Variants in PLXDC2 observed in about 807,000 individuals in gnomAD.
PLXDC2 encodes the protein plexin domain containing 2.
In PLXDC2, 40 loss-of-function variants were observed where a neutral mutation model predicts 68.9. That is an observed-to-expected ratio of 0.58 (90% CI 0.45 to 0.76). PLXDC2 has a LOEUF of 0.76. Ranked by LOEUF, PLXDC2 falls within the 30% of genes least tolerant of loss-of-function variation. The probability of loss-of-function intolerance (pLI) is 0.00; values close to 1 mark genes in which losing one functional copy is unlikely to be tolerated. For missense variants in PLXDC2, 644 were observed against 661.9 expected (o/e 0.97, Z 0.30); for synonymous variants, 243 against 234.2 (o/e 1.04, Z -0.34).
intron 2 of PLXDC2, among the ~76,000 whole-genome samples, chr10:20,020,855 GATAA>G (rs1835296051): frequency 6.6e-6 from 1 of 152,072 alleles, no homozygotes; most frequent in Non-Finnish European, 1.5e-5. Flanking sequence ...TATTGCATAA[GATAA>G]ATAGTGTCCT....
In PLXDC2 at chr10:20,143,408, T is replaced by G. The variant is rs1323384161; in HGVS notation, c.655T>G (p.Phe219Val). Residue 219 changes from phenylalanine to valine, a missense_variant, in exon 5 of 14, where the codon TTT becomes GTT. Phe to Val is a conservative substitution (Grantham distance 50). Transcript: ENST00000377252. ...SVSRNSTVRY[F>V]DNGTALVVQW... ...ATCCAGAAATTCAACTGTCAGATAT[T>G]TTGATAATGGTATGTGTTGAGTAGC... The G allele has an allele frequency of 6.2e-7, 1 of 1,613,124 alleles. No individual in the cohort carries two copies. Among genetic ancestry groups the G allele is most frequent in the African/African-American group, 1.3e-5 (1 of 75,016 alleles).
intron 1 of PLXDC2, among the ~76,000 whole-genome samples, chr10:19,925,353 C>T (rs908940143): frequency 6.6e-6 from 1 of 152,136 alleles, no homozygotes; most frequent in Non-Finnish European, 1.5e-5. Flanking sequence ...ATATGACAGA[C>T]CTGAGAATAG....
intron 1 of PLXDC2, among the ~76,000 whole-genome samples, chr10:19,901,928 G>A (rs1464467436): frequency 6.6e-6 from 1 of 152,222 alleles, no homozygotes; most frequent in East Asian, 1.9e-4. Flanking sequence ...TTGTTGAATA[G>A]GTTGTCCTTT....
chr10:20,042,789 A>T (rs546186528), intron 2 of PLXDC2, among the ~76,000 whole-genome samples: 153 of 152,308 alleles, frequency 1.0e-3, no homozygotes, highest in African/African-American at 3.5e-3. Context: ...TGTAGTTATG[A>T]TAACTTTTCC....
intron 4 of PLXDC2, among the ~76,000 whole-genome samples, chr10:20,095,282 A>G (rs1161209057): frequency 2.0e-5 from 3 of 152,212 alleles, no homozygotes; most frequent in African/African-American, 7.2e-5. Context: ...ATGGTAGCTA[A>G]TCCTACAGTA....
At chr10:19,887,801 A>G (rs952291758) in intron 1 of PLXDC2, among the ~76,000 whole-genome samples, 5 of 152,236 alleles carry the variant, frequency 3.3e-5, no homozygotes, top group African/African-American at 9.6e-5. Flanking sequence ...AGGTCACTTG[A>G]CACATAAGTA....
chr10:19,998,759 G>T (rs928696036), intron 1 of PLXDC2, among the ~76,000 whole-genome samples: 1 of 152,052 alleles, frequency 6.6e-6, no homozygotes, highest in Non-Finnish European at 1.5e-5. Context: ...AGCTGTCAAT[G>T]GTAACAGCAA....
chr10:20,170,811 T>C (rs1314456248), intron 7 of PLXDC2, among the ~76,000 whole-genome samples: 2 of 151,946 alleles, frequency 1.3e-5, no homozygotes, highest in Admixed American at 1.3e-4. Flanking sequence ...GTGGCTATCA[T>C]GTTGGATAGG....
At chr10:19,881,524 C>A (rs1837727374) in intron 1 of PLXDC2, among the ~76,000 whole-genome samples, 2 of 152,012 alleles carry the variant, frequency 1.3e-5, no homozygotes, top group African/African-American at 4.8e-5. Flanking sequence ...TAATTAGTAA[C>A]TGTGAGCACT....
At chr10:19,974,665 A>G (rs1027332144) in intron 1 of PLXDC2, among the ~76,000 whole-genome samples, 1 of 152,182 alleles carries the variant, frequency 6.6e-6, no homozygotes, top group Non-Finnish European at 1.5e-5. Flanking sequence ...TAAATGCCCT[A>G]TACTATCTCT....
At chr10:19,820,249 T>A (rs574589973) in intron 1 of PLXDC2, among the ~76,000 whole-genome samples, 1 of 152,342 alleles carries the variant, frequency 6.6e-6, no homozygotes, top group East Asian at 1.9e-4. Context: ...GGAGAATGTA[T>A]TTGAATAAAA....
Position 20,079,658 on chromosome 10 carries a change from T to C in PLXDC2, c.541+11419T>C, listed in dbSNP as rs540816222. On this transcript the variant is annotated intron_variant, in intron 4 of 13. Coordinates refer to ENST00000377252, the MANE Select transcript of PLXDC2 (RefSeq NM_032812.9). ...GGGACATGCATGAAGCTGGAAGCCA[T>C]CATTCTCAGCAAACTAACACAGGAA... Among the ~76,000 whole-genome samples, 9 of 152,260 alleles carry C rather than the reference T, an allele frequency of 5.9e-5. No homozygotes were observed. In the South Asian group the frequency reaches 1.9e-3, roughly 32 times the overall value.
At chr10:19,827,962 A>C (rs1016153987) in intron 1 of PLXDC2, among the ~76,000 whole-genome samples, 4 of 152,300 alleles carry the variant, frequency 2.6e-5, no homozygotes, top group South Asian at 4.1e-4. Context: ...ACATCATCAG[A>C]CTAACCATAC....
intron 9 of PLXDC2, among the ~76,000 whole-genome samples, chr10:20,189,504 T>TATATATATATAC (rs1554773611): frequency 0.02 from 2,416 of 121,224 alleles, 65 homozygotes; most frequent in African/African-American, 0.024. Flanking sequence ...TATATATATA[T>TATATATATATAC]ACACATACAC....
intron 1 of PLXDC2, among the ~76,000 whole-genome samples, chr10:19,961,351 G>A (rs886495798): frequency 6.6e-6 from 1 of 152,204 alleles, no homozygotes; most frequent in African/African-American, 2.4e-5. Context: ...CAGTTGGATC[G>A]CTGTGGAGCT....
chr10:20,147,103 A>G (rs1834090759), intron 5 of PLXDC2, among the ~76,000 whole-genome samples: 2 of 152,168 alleles, frequency 1.3e-5, no homozygotes, highest in Admixed American at 1.3e-4. Context: ...TTTTTATTTC[A>G]TGCCCAATCG....
At chr10:20,058,383 G>A (rs576385867) in intron 3 of PLXDC2, among the ~76,000 whole-genome samples, 247 of 152,226 alleles carry the variant, frequency 1.6e-3, no homozygotes, top group Non-Finnish European at 2.0e-3. Context: ...TTTGCCAACT[G>A]TGAGGTTTAA....
chr10:20,204,776 G>T (rs1834967921), intron 9 of PLXDC2, among the ~76,000 whole-genome samples: 1 of 152,130 alleles, frequency 6.6e-6, no homozygotes, highest in Non-Finnish European at 1.5e-5. Flanking sequence ...AGCTACAGTG[G>T]TGACTAGTTG....
chr10:20,177,218 A>G, intron 8 of PLXDC2, 110 bp from the exon 9 acceptor site: 2 of 1,318,522 alleles, frequency 1.5e-6, no homozygotes, highest in South Asian at 1.2e-5. Context: ...ATGCATGGGC[A>G]TTTTGCTCCT....
Sources: allele counts gnomAD v4.1 joint callset (sites outside exome capture counted in the v4.1 genomes callset), GRCh38; gene constraint gnomAD v4.1.1; transcripts MANE v1.5; gene names NCBI Gene and HGNC (gene_info 2026-07-23, HGNC 2026-07-21).